PCDHA9: variants seen among roughly 807,000 people sequenced by gnomAD.
PCDHA9 encodes the protein protocadherin alpha 9, also known as protocadherin alpha-9.
In PCDHA9, 62 loss-of-function variants were observed where a neutral mutation model predicts 62.0. That is an observed-to-expected ratio of 1.00 (90% CI 0.81 to 1.23). The LOEUF (loss-of-function observed/expected upper bound fraction) is 1.23. Among genes scored for constraint, PCDHA9 ranks in the 50% most tolerant of loss-of-function variants. PCDHA9 has a pLI of 0.00. For synonymous variants in PCDHA9, 557 were observed against 567.6 expected (o/e 0.98, Z 0.27); for missense variants, 1,205 against 1,249.8 (o/e 0.96, Z 0.54).
At chr5:140,864,639 A>C (rs2048553058) in intron 1 of PCDHA9, 1 of 152,238 alleles carries the variant, frequency 6.6e-6, no homozygotes, top group South Asian at 2.1e-4. Flanking sequence ...ACAAAACAAA[A>C]CAATGTCAGC....
At chr5:141,003,543 C>T (rs2098129407) in intron 3 of PCDHA9, among the ~76,000 whole-genome samples, 1 of 152,108 alleles carries the variant, frequency 6.6e-6, no homozygotes, top group Non-Finnish European at 1.5e-5. Context: ...GAACTCCTGG[C>T]TTCAAGTGAT....
intron 3 of PCDHA9, among the ~76,000 whole-genome samples, chr5:141,001,278 C>A (rs182360019): frequency 6.6e-6 from 1 of 152,050 alleles, no homozygotes; most frequent in Non-Finnish European, 1.5e-5. Flanking sequence ...ACTTTTTTTA[C>A]GGATGAAAAC....
At chr5:140,923,468 G>T (rs2081380588) in intron 1 of PCDHA9, among the ~76,000 whole-genome samples, 1 of 152,098 alleles carries the variant, frequency 6.6e-6, no homozygotes, top group African/African-American at 2.4e-5. Flanking sequence ...GGTAGGGGCT[G>T]CAGTGAGCCA....
At chr5:140,897,543 C>A (rs1325895994) in intron 1 of PCDHA9, among the ~76,000 whole-genome samples, 2 of 152,044 alleles carry the variant, frequency 1.3e-5, no homozygotes, top group African/African-American at 4.8e-5. Flanking sequence ...GCTGCATAGT[C>A]TTCCATGGTG....
intron 1 of PCDHA9, chr5:140,871,144 A>T (rs1554165205): frequency 6.2e-7 from 1 of 1,613,222 alleles, no homozygotes; most frequent in African/African-American, 1.3e-5. Context: ...CTCTTCCCGG[A>T]CTTTGGCGGG....
At chr5:140,985,096 C>G (rs1486346952) in intron 3 of PCDHA9, among the ~76,000 whole-genome samples, 1 of 152,096 alleles carries the variant, frequency 6.6e-6, no homozygotes, top group Non-Finnish European at 1.5e-5. Context: ...TGCCACCAAG[C>G]CTGGCTAATT....
At chr5:141,004,823 TTAGA>T (rs1175791432) in intron 3 of PCDHA9, among the ~76,000 whole-genome samples, 26 of 152,314 alleles carry the variant, frequency 1.7e-4, no homozygotes, top group African/African-American at 5.8e-4. Context: ...TTTGATTAAC[TTAGA>T]TAGATCAAAG....
intron 1 of PCDHA9, chr5:140,877,968 C>A: frequency 7.9e-7 from 1 of 1,272,970 alleles, no homozygotes; most frequent in Non-Finnish European, 1.0e-6. Context: ...CTTTCTTGGT[C>A]ATTCTTACTC....
Position 140,914,249 on chromosome 5 carries a change from G to T in PCDHA9, c.2394+63360G>T, listed in dbSNP as rs186578589. 2.8e-3 allele frequency among the ~76,000 whole-genome samples: 422 copies of T among 152,092 alleles called. 2 individuals carry two copies. Among genetic ancestry groups the T allele is most frequent in the Middle Eastern group, 0.014 (4 of 294 alleles). ...AATACTATTTGCTTTTTATATCTGG[G>T]TGCTTCAATGGTGGGTGCATATATA... is the stretch of plus-strand genomic sequence containing the variant. On this transcript the variant is annotated intron_variant, in intron 1 of 3. Coordinates refer to ENST00000532602, the MANE Select transcript of PCDHA9 (RefSeq NM_031857.2).
intron 1 of PCDHA9, chr5:140,966,877 T>A (rs782616985): frequency 6.3e-7 from 1 of 1,586,572 alleles, no homozygotes; most frequent in Admixed American, 1.8e-5. Context: ...TGCTGCTACC[T>A]GGCCCTGCGG....
intron 1 of PCDHA9, among the ~76,000 whole-genome samples, chr5:140,924,232 G>T (rs1554201826): frequency 6.6e-6 from 1 of 152,180 alleles, no homozygotes; most frequent in African/African-American, 2.4e-5. Flanking sequence ...ATTTTTATGG[G>T]CTGTTTTGCA....
Position 140,872,869 on chromosome 5 carries a change from T to G in PCDHA9, c.2394+21980T>G, listed in dbSNP as rs192241401. On this transcript the variant is annotated intron_variant, in intron 1 of 3. Coordinates refer to ENST00000532602, the MANE Select transcript of PCDHA9 (RefSeq NM_031857.2). ...ATTAATGTGAGTACCTACTGACAAT[T>G]ATCAGTTTCATTCATCTCACTTTGT... is the stretch of plus-strand genomic sequence containing the variant. 4.6e-5 allele frequency among the ~76,000 whole-genome samples: 7 copies of G among 152,364 alleles called. No individual in the cohort carries two copies. In the East Asian group the frequency reaches 1.3e-3, roughly 29 times the overall value.
intron 1 of PCDHA9, chr5:140,882,709 T>G (rs782343997): frequency 6.2e-7 from 1 of 1,614,022 alleles, no homozygotes; most frequent in Non-Finnish European, 8.5e-7. Flanking sequence ...AATCTAGACC[T>G]CCGGAAACTC....
intron 1 of PCDHA9, among the ~76,000 whole-genome samples, chr5:140,890,116 G>A (rs1290402695): frequency 6.6e-6 from 1 of 152,142 alleles, no homozygotes; most frequent in East Asian, 1.9e-4. Flanking sequence ...ATTCAATGAT[G>A]TCACTTTGGT....
intron 1 of PCDHA9, among the ~76,000 whole-genome samples, chr5:140,972,152 A>T (rs1481801555): frequency 6.6e-6 from 1 of 151,770 alleles, no homozygotes; most frequent in African/African-American, 2.4e-5. Context: ...TTTTATTTTT[A>T]TTTTTTTGAG....
intron 3 of PCDHA9, among the ~76,000 whole-genome samples, chr5:140,991,403 C>A (rs1230118485): frequency 6.6e-6 from 1 of 152,116 alleles, no homozygotes; most frequent in African/African-American, 2.4e-5. Context: ...TATTTATTTC[C>A]CATTATGCTA....
Position 140,958,902 on chromosome 5 carries a change from GAA to G in PCDHA9, c.2395-20044_2395-20043del, listed in dbSNP as rs201571519. On this transcript the variant is annotated intron_variant, in intron 1 of 3. Transcript: ENST00000532602. ...GACCAGTAGCTATATAATAGATACA[GAA>G]AAGTCTGCCTGGGTGTGGTGGCTCA... Among the ~76,000 whole-genome samples the G allele has an allele frequency of 8.2e-3, 1,248 of 152,002 alleles. 7 individuals carry two copies. The highest frequency in any genetic ancestry group is 0.021 in the Middle Eastern group (6 of 292).
intron 1 of PCDHA9, among the ~76,000 whole-genome samples, chr5:140,905,211 G>A (rs1554191947): frequency 6.6e-6 from 1 of 152,130 alleles, no homozygotes; most frequent in Non-Finnish European, 1.5e-5. Flanking sequence ...GTTGATTTTT[G>A]TGTAAGGTGA....
chr5:140,957,159 C>G (rs2095337596), intron 1 of PCDHA9, among the ~76,000 whole-genome samples: 1 of 151,974 alleles, frequency 6.6e-6, no homozygotes, highest in Non-Finnish European at 1.5e-5. Flanking sequence ...GGAGACAAAT[C>G]TAAGTATATA....
Sources: allele counts gnomAD v4.1 joint callset (sites outside exome capture counted in the v4.1 genomes callset), GRCh38; gene constraint gnomAD v4.1.1; transcripts MANE v1.5; gene names NCBI Gene and HGNC (gene_info 2026-07-23, HGNC 2026-07-21).